Variants in ADGRE2 observed in about 807,000 individuals in gnomAD.
ADGRE2 encodes CD97 antigen.
ADGRE2 carries 83 observed loss-of-function variants against 100.8 expected under a neutral mutation model. The observed-to-expected ratio is 0.82, with a 90% CI of 0.69 to 0.99. ADGRE2 has a LOEUF of 0.99. Ranked by LOEUF, ADGRE2 falls within the 50% of genes least tolerant of loss-of-function variation. ADGRE2 has a pLI of 0.00. For synonymous variants in ADGRE2, 355 were observed against 413.0 expected (o/e 0.86, Z 1.70); for missense variants, 814 against 1,035.7 (o/e 0.79, Z 2.94).
intron 7 of ADGRE2, 100 bp from the exon 8 acceptor site, chr19:14,765,904 C>A: frequency 6.2e-7 from 1 of 1,604,084 alleles, no homozygotes; most frequent in Non-Finnish European, 8.5e-7. Flanking sequence ...TTAGTGCCCC[C>A]CTTGGAGAGG....
intron 16 of ADGRE2, among the ~76,000 whole-genome samples, chr19:14,749,556 T>C (rs1042245609): frequency 1.5e-5 from 2 of 132,664 alleles, no homozygotes; most frequent in Non-Finnish European, 1.6e-5. Flanking sequence ...TTATTTATAG[T>C]TATGTTATGT....
At chr19:14,728,198 G>A (rs1324037791), downstream of ADGRE2, among the ~76,000 whole-genome samples, 1 of 152,222 alleles carries the variant, frequency 6.6e-6, no homozygotes, top group African/African-American at 2.4e-5. Flanking sequence ...GGGCGACAGA[G>A]CGAGACTCCG....
downstream of ADGRE2, chr19:14,732,389 A>C (rs2042679298): frequency 6.6e-6 from 1 of 152,246 alleles, no homozygotes; most frequent in Non-Finnish European, 1.5e-5. Context: ...CTGGGAAACC[A>C]AAAAATGTGT....
Position 14,773,925 on chromosome 19 carries a change from C to G in ADGRE2, c.199+13G>C, listed in dbSNP as rs766054424. On this transcript the variant is annotated intron_variant, in intron 4 of 20. Coordinates refer to ENST00000315576, the MANE Select transcript of ADGRE2 (RefSeq NM_013447.4). ...TCGCAGATGTCCCCTGCGCTGCCCT[C>G]AAGCCTCTGTACCGTCACAAGTCTC... 1.2e-6 allele frequency: 2 copies of G among 1,613,208 alleles called. No individual in the cohort carries two copies. Among genetic ancestry groups the G allele is most frequent in the Non-Finnish European group, 1.7e-6 (2 of 1,179,240 alleles).
chr19:14,764,629 A>T lies in ADGRE2; in HGVS notation c.907-19T>A. ...AGATGCTCTGGAGGGATGTGGACAC[A>T]GACCTAGTGAGCCATGGGCCAGAGG... On this transcript the variant is annotated intron_variant, in intron 10 of 20. Transcript: ENST00000315576. 1 of 1,599,386 alleles carries T rather than the reference A, an allele frequency of 6.3e-7. No homozygotes were observed. Among genetic ancestry groups the T allele is most frequent in the South Asian group, 1.1e-5 (1 of 89,734 alleles).
chr19:14,731,316 G>T, downstream of ADGRE2: 1 of 933,588 alleles, frequency 1.1e-6, no homozygotes. Flanking sequence ...TTGCAGGTCA[G>T]TGGCCTTGGA....
chr19:14,731,944 C>T (rs2732799), downstream of ADGRE2: 34,061 of 152,148 alleles, frequency 0.22, 4,051 homozygotes, highest in Non-Finnish European at 0.26. Flanking sequence ...TCCCCAACCT[C>T]GTCTGTGTTT....
At chr19:14,772,288 G>A (rs749064502) in intron 5 of ADGRE2, 54 bp downstream of exon 5, 19 of 1,608,144 alleles carry the variant, frequency 1.2e-5, no homozygotes, top group Non-Finnish European at 1.6e-5. Context: ...AAACAGCTCT[G>A]GTGACCCCAA....
chr19:14,728,291 G>A (rs753043643), downstream of ADGRE2, among the ~76,000 whole-genome samples: 6 of 152,150 alleles, frequency 3.9e-5, no homozygotes, highest in Non-Finnish European at 7.4e-5. Flanking sequence ...ATAATTCTTC[G>A]AATATTTTTT....
Position 14,746,900 on chromosome 19 carries a change from A to C in ADGRE2, c.2087T>G (p.Phe696Cys). The C allele has an allele frequency of 6.2e-7, 1 of 1,613,788 alleles. No individual in the cohort carries two copies. The highest frequency in any genetic ancestry group is 8.5e-7 in the Non-Finnish European group (1 of 1,179,868). Residue 696 changes from phenylalanine (F) to cysteine (C), a missense_variant, in exon 17 of 21, where the codon TTC becomes TGC. Physicochemically the swap from Phe to Cys is radical, Grantham distance 205. Coordinates refer to ENST00000315576, the MANE Select transcript of ADGRE2 (RefSeq NM_013447.4). Reference protein sequence around the residue: ...WGFLGPVCAIFSVNLVLFLVT... With the variant: ...WGFLGPVCAICSVNLVLFLVT... ...TGCTCAGATGATGTCACTCACAGAG[A>C]AGATGGCGCAGACAGGTCCAAGGAA...
intron 11 of ADGRE2, among the ~76,000 whole-genome samples, chr19:14,759,486 T>TAC (rs2043623797): frequency 2.6e-5 from 2 of 77,368 alleles, no homozygotes; most frequent in African/African-American, 6.3e-5. Flanking sequence ...GTATAAGTTA[T>TAC]ACATATATAT....
chr19:14,766,913 A>G, intron 6 of ADGRE2, 65 bp downstream of exon 6: 5 of 1,568,884 alleles, frequency 3.2e-6, no homozygotes. Context: ...GCTGCTTTGG[A>G]GGACCTGACT....
At chr19:14,760,248 G>A (rs2043669854) in intron 11 of ADGRE2, among the ~76,000 whole-genome samples, 1 of 152,136 alleles carries the variant, frequency 6.6e-6, no homozygotes, top group Non-Finnish European at 1.5e-5. Context: ...TCAAAGTGGT[G>A]GATACCTGAG....
At position 14,751,549 on chromosome 19, in the gene ADGRE2, T is replaced by C; in HGVS notation, c.1911A>G (p.Ser637=). ...GCTTCTTCATGAATCTGTTGATGCT[T>C]GAGTAGTTGACCACCGTCAGGTTCC... ...TARNLTVVNY[S]SINRFMKKLM... The change falls in exon 16 of 21, where the codon TCA becomes TCG. Residue 637 remains serine (S), a synonymous_variant. Coordinates refer to ENST00000315576, the MANE Select transcript of ADGRE2 (RefSeq NM_013447.4). 6.2e-7 allele frequency: 1 copy of C among 1,614,032 alleles called. No individual in the cohort carries two copies. The highest frequency in any genetic ancestry group is 8.5e-7 in the Non-Finnish European group (1 of 1,180,002).
At chr19:14,764,286 A>G (rs2043865747) in intron 11 of ADGRE2, 147 bp downstream of exon 11, 2 of 701,552 alleles carry the variant, frequency 2.9e-6, no homozygotes, top group South Asian at 1.8e-5. Flanking sequence ...CCAGACTGGT[A>G]TGTATTTCTT....
intron 11 of ADGRE2, 105 bp downstream of exon 11, chr19:14,764,328 G>A (rs759206983): frequency 3.0e-6 from 3 of 1,000,700 alleles, no homozygotes; most frequent in Non-Finnish European, 4.6e-6. Context: ...GTCGATGAGA[G>A]TAACACTGAT....
chr19:14,762,129 C>T (rs1288416700), intron 11 of ADGRE2, among the ~76,000 whole-genome samples: 1 of 152,002 alleles, frequency 6.6e-6, no homozygotes, highest in Non-Finnish European at 1.5e-5. Flanking sequence ...GTGTCACGGG[C>T]CATGGTCAGT....
At chr19:14,731,945 G>A (rs1261752462), downstream of ADGRE2, 2 of 152,080 alleles carry the variant, frequency 1.3e-5, no homozygotes, top group African/African-American at 2.4e-5. Context: ...CCCCAACCTC[G>A]TCTGTGTTTC....
At position 14,755,099 on chromosome 19, in the gene ADGRE2, C is replaced by T. The variant is rs1342001518; in HGVS notation, c.1445G>A (p.Cys482Tyr). 6.2e-7 allele frequency: 1 copy of T among 1,613,996 alleles called. No homozygotes were observed. The highest frequency in any genetic ancestry group is 1.1e-5 in the South Asian group (1 of 91,068). ...ATTCTGGCCATGCTCCCAGAAGACA[C>T]AGAGCACCTTCTGTCTCGGGATCAC... The part of the protein sequence containing the change: ...RSVIPRQKVL[C>Y]VFWEHGQNGC... The change falls in exon 14 of 21, where the codon TGT becomes TAT. Residue 482 changes from cysteine to tyrosine, a missense_variant. This residue lies in a region of ADGRE2 where 569 missense variants were observed against 692.7 expected (regional missense o/e 0.82). Coordinates refer to ENST00000315576, the MANE Select transcript of ADGRE2 (RefSeq NM_013447.4).
Sources: gnomAD v4.1 joint callset for allele counts (sites outside exome capture counted in the v4.1 genomes callset) on GRCh38, gnomAD v4.1.1 for gene constraint, gnomAD v4.1.1 regional missense constraint, MANE v1.5 for transcripts, NCBI Gene and HGNC (gene_info 2026-07-23, HGNC 2026-07-21) for gene names.